Variants in CBLB observed in about 807,000 individuals in gnomAD.
CBLB encodes the protein E3 ubiquitin-protein ligase CBL-B.
A neutral mutation model predicts 104.9 loss-of-function variants in CBLB; 31 were observed. That is an observed-to-expected ratio of 0.30 (90% CI 0.22 to 0.40). CBLB has a LOEUF of 0.40. Among genes scored for constraint, CBLB ranks in the 10% least tolerant of loss-of-function variants. CBLB has a pLI of 1.00. For synonymous variants in CBLB, 440 were observed against 422.6 expected (o/e 1.04, Z -0.51); for missense variants, 1,062 against 1,214.6 (o/e 0.87, Z 1.87).
chr3:105,811,929 C>T (rs1303753947), intron 3 of CBLB, among the ~76,000 whole-genome samples: 5 of 152,102 alleles, frequency 3.3e-5, no homozygotes, highest in African/African-American at 7.2e-5. Flanking sequence ...GTCTTGAACT[C>T]CTGATCTCAG....
intron 3 of CBLB, among the ~76,000 whole-genome samples, chr3:105,845,087 T>C (rs2090057161): frequency 6.6e-6 from 1 of 152,098 alleles, no homozygotes; most frequent in Admixed American, 6.6e-5. Context: ...AAACATCAAT[T>C]TTAATAAGCT....
chr3:105,656,091 T>C lies in CBLB; in HGVS notation c.*2879A>G, dbSNP rs2063322475. The C allele has an allele frequency of 4.5e-6, 1 of 222,444 alleles. No homozygotes were observed. The highest frequency in any genetic ancestry group is 9.0e-6 in the Non-Finnish European group (1 of 111,344). 13.8% of individuals were successfully genotyped at this position (222,444 alleles called of 1,614,324 possible). ...TAAGCAAAAACTGCTTTTATTCAAT[T>C]CTAGAAAAATTTGGTGAGATATATC... On this transcript the variant is annotated 3_prime_UTR_variant, in exon 19 of 19. Coordinates refer to ENST00000394030, the MANE Select transcript of CBLB (RefSeq NM_170662.5).
chr3:105,836,434 T>C (rs952347345), intron 3 of CBLB, among the ~76,000 whole-genome samples: 7 of 152,158 alleles, frequency 4.6e-5, no homozygotes, highest in Admixed American at 4.6e-4. Context: ...CAGATAAATT[T>C]TAAAAAGTAA....
intron 3 of CBLB, among the ~76,000 whole-genome samples, chr3:105,802,848 A>G (rs1052064588): frequency 7.9e-5 from 12 of 152,218 alleles, no homozygotes; most frequent in African/African-American, 2.9e-4. Context: ...TAGCAAAGGG[A>G]TTAACATATG....
chr3:105,863,553 G>T (rs983229629), intron 2 of CBLB, among the ~76,000 whole-genome samples: 1 of 152,106 alleles, frequency 6.6e-6, no homozygotes. Context: ...GAGATATGAG[G>T]AACTCAGCTT....
intron 3 of CBLB, among the ~76,000 whole-genome samples, chr3:105,834,534 T>C (rs1436576070): frequency 1.3e-5 from 2 of 152,070 alleles, no homozygotes; most frequent in Non-Finnish European, 2.9e-5. Flanking sequence ...CAGGCACCTG[T>C]AGTCCCAGCT....
intron 3 of CBLB, among the ~76,000 whole-genome samples, chr3:105,807,819 A>T (rs765166065): frequency 2.6e-5 from 4 of 152,200 alleles, no homozygotes; most frequent in Admixed American, 6.5e-5. Context: ...GACCTTAGAC[A>T]TACTGTGGTG....
At chr3:105,826,816 G>A (rs1021771637) in intron 3 of CBLB, among the ~76,000 whole-genome samples, 1 of 152,164 alleles carries the variant, frequency 6.6e-6, no homozygotes, top group African/African-American at 2.4e-5. Context: ...TGTGGTATTA[G>A]AGGATTTTCT....
chr3:105,710,581 G>C (rs1281641984), intron 10 of CBLB, among the ~76,000 whole-genome samples: 1 of 151,810 alleles, frequency 6.6e-6, no homozygotes. Flanking sequence ...TAAATTATCT[G>C]TTTCAGCTTC....
intron 13 of CBLB, among the ~76,000 whole-genome samples, chr3:105,692,151 C>T (rs2399053): frequency 1 from 151,756 of 152,288 alleles, 75,616 homozygotes; most frequent in East Asian, 1. Context: ...GCTCTAAGAC[C>T]TTCTATTGTA....
rs548676941 is a variant in CBLB at position 105,840,407 on chromosome 3, G to A, written c.419+13007C>T. ...GTTAGAAAAAAAAAAAAGTTGCATC[G>A]ACTGACCAGATGACATACAATATTA... On this transcript the variant is annotated intron_variant, in intron 3 of 18. Coordinates refer to ENST00000394030, the MANE Select transcript of CBLB (RefSeq NM_170662.5). Among the ~76,000 whole-genome samples the A allele has an allele frequency of 2.2e-4, 33 of 150,972 alleles. No individual in the cohort carries two copies. In the Middle Eastern group the frequency reaches 0.01, roughly 47 times the overall value.
chr3:105,863,321 T>C (rs2092240655), intron 2 of CBLB, among the ~76,000 whole-genome samples: 1 of 152,200 alleles, frequency 6.6e-6, no homozygotes, highest in Non-Finnish European at 1.5e-5. Flanking sequence ...TAAACAAAAC[T>C]GTCCAGACAA....
intron 3 of CBLB, among the ~76,000 whole-genome samples, chr3:105,779,119 T>C (rs2079830599): frequency 1.3e-5 from 2 of 152,204 alleles, no homozygotes; most frequent in South Asian, 4.1e-4. Flanking sequence ...CTGCACTCCA[T>C]CCCCTTGATT....
chr3:105,656,569 A>T lies in CBLB; in HGVS notation c.*2401T>A, dbSNP rs1372453541. 5.3e-6 allele frequency: 1 copy of T among 187,772 alleles called. No individual in the cohort carries two copies. Among genetic ancestry groups the T allele is most frequent in the Non-Finnish European group, 1.1e-5 (1 of 89,048 alleles). 11.6% of individuals were successfully genotyped at this position (187,772 alleles called of 1,614,324 possible). On this transcript the variant is annotated 3_prime_UTR_variant, in exon 19 of 19. Transcript: ENST00000394030. ...TTGCTATTGAGTACAAGATGCAGAGATTTTGCTGGAGGCTGGTAAATTTTC... is the reference window on the plus strand; with the variant it reads ...TTGCTATTGAGTACAAGATGCAGAGTTTTTGCTGGAGGCTGGTAAATTTTC...
intron 9 of CBLB, among the ~76,000 whole-genome samples, chr3:105,731,060 A>G (rs1156358782): frequency 3.3e-5 from 5 of 152,228 alleles, no homozygotes; most frequent in Admixed American, 6.5e-5. Context: ...AGGCCAATAT[A>G]AAAAATCATG....
intron 17 of CBLB, chr3:105,672,844 T>C (rs1387597805): frequency 6.6e-6 from 1 of 152,016 alleles, no homozygotes; most frequent in South Asian, 2.1e-4. Context: ...TGAGGAAATA[T>C]ACATCAATAA....
intron 2 of CBLB, among the ~76,000 whole-genome samples, chr3:105,855,342 C>T (rs2091460839): frequency 6.6e-6 from 1 of 152,086 alleles, no homozygotes; most frequent in African/African-American, 2.4e-5. Context: ...ATCTAATGTA[C>T]AGCATGAGGC....
chr3:105,852,276 T>C (rs2091033955), intron 3 of CBLB, among the ~76,000 whole-genome samples: 1 of 152,068 alleles, frequency 6.6e-6, no homozygotes, highest in East Asian at 1.9e-4. Context: ...AGTTACATAT[T>C]GTGTGACCTT....
intron 2 of CBLB, among the ~76,000 whole-genome samples, chr3:105,855,547 T>C (rs375085759): frequency 5.8e-4 from 89 of 152,344 alleles, no homozygotes; most frequent in African/African-American, 2.1e-3. Context: ...AAATCTGTAA[T>C]AGAACTTTTT....
Sources: allele counts gnomAD v4.1 joint callset (sites outside exome capture counted in the v4.1 genomes callset), GRCh38; gene constraint gnomAD v4.1.1; transcripts MANE v1.5; gene names NCBI Gene and HGNC (gene_info 2026-07-23, HGNC 2026-07-21).